The following ADGRV1 variants were observed in gnomAD, a reference collection of about 807,000 sequenced individuals.
ADGRV1 encodes the protein adhesion G protein-coupled receptor V1, also known as G-protein coupled receptor 98.
Under a neutral mutation model 596.2 loss-of-function variants are expected in ADGRV1, and 359 were observed. The observed-to-expected ratio is 0.60, with a 90% confidence interval of 0.55 to 0.66. The LOEUF is 0.66. Among genes scored for constraint, ADGRV1 ranks in the 30% least tolerant of loss-of-function variants. The probability of loss-of-function intolerance (pLI) is 0.00; values close to 1 mark genes in which losing one functional copy is unlikely to be tolerated. For synonymous variants in ADGRV1, 2,681 were observed against 2,679.2 expected, an observed-to-expected ratio of 1.00 and a Z score of -0.02; for missense variants, 7,274 against 7,575.6, an observed-to-expected ratio of 0.96 and a Z score of 1.48.
intron 84 of ADGRV1, among the ~76,000 whole-genome samples, chr5:90,966,883 C>T (rs560455478): frequency 1.3e-5 from 2 of 152,284 alleles, no homozygotes; most frequent in South Asian, 4.1e-4. Context: ...TCATGTGATA[C>T]TGTTTCATAT....
chr5:91,048,798 C>T (rs1786059618), intron 85 of ADGRV1, among the ~76,000 whole-genome samples: 1 of 152,102 alleles, frequency 6.6e-6, no homozygotes, highest in Admixed American at 6.6e-5. Flanking sequence ...TCAAAACTTC[C>T]AGTTTAACAG....
chr5:90,712,812 A>G (rs1330104651), intron 42 of ADGRV1, among the ~76,000 whole-genome samples: 2 of 152,078 alleles, frequency 1.3e-5, no homozygotes, highest in African/African-American at 4.8e-5. Context: ...CCTTTGTACA[A>G]AGGAGTAAAG....
chr5:90,724,744 C>T, intron 45 of ADGRV1, 88 bp from the exon 46 acceptor site: 1 of 1,176,952 alleles, frequency 8.5e-7, no homozygotes, highest in Non-Finnish European at 1.3e-6. Flanking sequence ...GTCACAAATG[C>T]ACTTGTCTCA....
intron 86 of ADGRV1, among the ~76,000 whole-genome samples, chr5:91,092,457 T>G (rs113337210): frequency 6.6e-6 from 1 of 152,290 alleles, no homozygotes; most frequent in Admixed American, 6.5e-5. Flanking sequence ...TTGAATGTGA[T>G]AGAACTTCAG....
intron 42 of ADGRV1, among the ~76,000 whole-genome samples, chr5:90,713,796 A>C (rs1411887398): frequency 6.6e-6 from 1 of 152,190 alleles, no homozygotes; most frequent in East Asian, 1.9e-4. Flanking sequence ...GAAATTACAT[A>C]GGTGACATGC....
At position 90,777,968 on chromosome 5, in the gene ADGRV1, C is replaced by G; in HGVS notation, c.12591C>G (p.Ser4197=). Residue 4197 remains serine, a synonymous_variant, in exon 62 of 90, where the codon TCC becomes TCG. Coordinates refer to ENST00000405460, the MANE Select transcript of ADGRV1 (RefSeq NM_032119.4). ...VTVFWRIFPP[S]VGEFAETSGK... ...TGTTCTGGAGGATATTCCCTCCTTC[C>G]GTGGGGGAATTTGCTGAAACATCAG... The G allele has an allele frequency of 6.2e-7, 1 of 1,610,748 alleles. No individual in the cohort carries two copies. Among genetic ancestry groups the G allele is most frequent in the Non-Finnish European group, 8.5e-7 (1 of 1,178,316 alleles).
At chr5:90,636,207 C>G (rs1265330237) in intron 10 of ADGRV1, among the ~76,000 whole-genome samples, 3 of 149,686 alleles carry the variant, frequency 2.0e-5, no homozygotes, top group African/African-American at 7.3e-5. Flanking sequence ...AGGGATGGCT[C>G]TTCCTTCAGC....
chr5:90,792,189 G>C (rs1300350316), intron 70 of ADGRV1: 1 of 152,208 alleles, frequency 6.6e-6, no homozygotes, highest in Admixed American at 6.5e-5. Context: ...TATTCTCTCT[G>C]TCGAGGAATG....
At chr5:91,061,283 G>A (rs1376289073) in intron 85 of ADGRV1, among the ~76,000 whole-genome samples, 1 of 152,158 alleles carries the variant, frequency 6.6e-6, no homozygotes, top group Non-Finnish European at 1.5e-5. Context: ...TTGATTCACT[G>A]GAACCTACCT....
chr5:90,944,126 A>C (rs1047365286), intron 83 of ADGRV1, among the ~76,000 whole-genome samples: 27 of 152,214 alleles, frequency 1.8e-4, no homozygotes, highest in Admixed American at 1.4e-3. Flanking sequence ...CAATGCCTGG[A>C]TAATTTTTGA....
Position 90,720,935 on chromosome 5 carries a change from A to C in ADGRV1, c.9624A>C (p.Arg3208Ser). 6.2e-7 allele frequency: 1 copy of C among 1,603,326 alleles called. No homozygotes were observed. The highest frequency in any genetic ancestry group is 8.5e-7 in the Non-Finnish European group (1 of 1,174,738). ...GLFSISAVEN[R>S]ATSIDIEEAN... ...CCCTCAATCCATGTATTTCTTTCAG[A>C]GCCACCTCCATAGACATCGAAGAAG... The change falls in exon 45 of 90, where the codon AGA becomes AGC. Residue 3208 changes from arginine to serine, a missense_variant and splice_region_variant. This residue lies in a region of ADGRV1 where 3,643 missense variants were observed against 3,809.2 expected (regional missense o/e 0.96). Transcript: ENST00000405460.
intron 77 of ADGRV1, among the ~76,000 whole-genome samples, chr5:90,834,907 TTTC>T (rs1325605132): frequency 1.3e-5 from 2 of 151,514 alleles, no homozygotes; most frequent in African/African-American, 4.9e-5. Context: ...TCTCTTTCTT[TTTC>T]TTTCTCTTTC....
intron 89 of ADGRV1, among the ~76,000 whole-genome samples, chr5:91,154,259 G>T (rs1796286485): frequency 6.6e-6 from 1 of 152,176 alleles, no homozygotes. Flanking sequence ...ACATAAGCAA[G>T]AAAATGTGTC....
rs540483139 is a variant in ADGRV1 at position 90,965,494 on chromosome 5, A to G, written c.17936A>G (p.Tyr5979Cys). 35 of 1,613,242 alleles carry G rather than the reference A, an allele frequency of 2.2e-5. No individual in the cohort carries two copies. Among genetic ancestry groups the G allele is most frequent in the Non-Finnish European group, 2.9e-5 (34 of 1,179,462 alleles). Residue 5979 changes from tyrosine to cysteine, a missense_variant, in exon 84 of 90, where the codon TAC becomes TGC. By Grantham distance (194) the Tyr-to-Cys change is radical. Around this residue, in one of 5 missense-constraint regions of ADGRV1, gnomAD observed 1,874 missense variants for 1,970.2 expected, o/e 0.95. Coordinates refer to ENST00000405460, the MANE Select transcript of ADGRV1 (RefSeq NM_032119.4). ...TCAGCTATGGCTGCTGTCACACATTACCTGTATCTTTGCCAGTTTAGCTGG... is the reference window on the plus strand; with the variant it reads ...TCAGCTATGGCTGCTGTCACACATTGCCTGTATCTTTGCCAGTTTAGCTGG... Reference protein sequence around the residue: ...SCSAMAAVTHYLYLCQFSWML... With the variant: ...SCSAMAAVTHCLYLCQFSWML...
chr5:90,654,078 C>T, intron 20 of ADGRV1, 126 bp downstream of exon 20: 1 of 958,416 alleles, frequency 1.0e-6, no homozygotes, highest in East Asian at 2.6e-5. Context: ...GGTTTAATTT[C>T]TTTAATCAAA....
At chr5:91,140,953 G>C (rs542652949) in intron 87 of ADGRV1, among the ~76,000 whole-genome samples, 1 of 152,264 alleles carries the variant, frequency 6.6e-6, no homozygotes, top group African/African-American at 2.4e-5. Context: ...CTGGAAATGA[G>C]ATTACTGAAG....
At chr5:90,591,065 C>G (rs889627223) in intron 1 of ADGRV1, among the ~76,000 whole-genome samples, 1 of 152,152 alleles carries the variant, frequency 6.6e-6, no homozygotes, top group South Asian at 2.1e-4. Context: ...AATGGGGTAT[C>G]ATCACCTCAA....
Position 90,713,627 on chromosome 5 carries a change from T to C in ADGRV1, c.9184+1199T>C, listed in dbSNP as rs981806342. ...GCCAGAGATCCTGAGGTTTTCTGTCTCTTTTCTTTGCCTTTTGGAATATTG... is the reference window on the plus strand; with the variant it reads ...GCCAGAGATCCTGAGGTTTTCTGTCCCTTTTCTTTGCCTTTTGGAATATTG... On this transcript the variant is annotated intron_variant, in intron 42 of 89. Transcript: ENST00000405460. Among the ~76,000 whole-genome samples, 76 of 152,142 alleles carry C rather than the reference T, an allele frequency of 5.0e-4. 3 individuals are homozygous for C. The highest frequency in any genetic ancestry group is 4.4e-5 in the Non-Finnish European group (3 of 68,000).
At chr5:91,021,001 T>C (rs954467826) in intron 85 of ADGRV1, among the ~76,000 whole-genome samples, 3 of 152,098 alleles carry the variant, frequency 2.0e-5, no homozygotes, top group African/African-American at 7.2e-5. Flanking sequence ...TTTGCTAATA[T>C]GTAAATGAGA....
Sources: allele counts gnomAD v4.1 joint callset (sites outside exome capture counted in the v4.1 genomes callset), GRCh38; gene constraint gnomAD v4.1.1; regional missense constraint gnomAD v4.1.1; transcripts MANE v1.5; gene names NCBI Gene and HGNC (gene_info 2026-07-23, HGNC 2026-07-21).